NR4A1: variants seen among roughly 807,000 people sequenced by gnomAD.
NR4A1 encodes the protein nuclear receptor subfamily 4 group A member 1.
In NR4A1, 24 loss-of-function variants were observed where a neutral mutation model predicts 47.5. The observed-to-expected ratio is 0.50, with a 90% CI of 0.37 to 0.71. NR4A1 has a LOEUF of 0.71. Among genes scored for constraint, NR4A1 ranks in the 30% least tolerant of loss-of-function variants. NR4A1 has a pLI of 0.00. For synonymous variants in NR4A1, 353 were observed against 345.7 expected, an observed-to-expected ratio of 1.02 and a Z score of -0.24; for missense variants, 669 against 788.6, an observed-to-expected ratio of 0.85 and a Z score of 1.82.
Position 52,054,935 on chromosome 12 carries a change from G to C in NR4A1, c.607G>C (p.Ala203Pro). The C allele has an allele frequency of 6.2e-7, 1 of 1,614,142 alleles. No homozygotes were observed. Among genetic ancestry groups the C allele is most frequent in the East Asian group, 2.2e-5 (1 of 44,882 alleles). The change falls in exon 2 of 7, where the codon GCC (alanine) becomes CCC (proline). Residue 203 changes from alanine (A) to proline (P), a missense_variant. Coordinates refer to ENST00000394825, the MANE Select transcript of NR4A1 (RefSeq NM_173157.3). ...SPPTGPSPSL[A>P]QSPLKLFPSQ... Reference sequence around the variant, plus strand: ...TCCCACCGGCCCCAGCCCCAGCCTGGCCCAGAGCCCCCTGAAGTTGTTCCC... The same window carrying C: ...TCCCACCGGCCCCAGCCCCAGCCTGCCCCAGAGCCCCCTGAAGTTGTTCCC...
chr12:52,040,463 C>T lies in NR4A1; in HGVS notation c.-83-1347C>T, dbSNP rs951470146. On this transcript the variant is annotated intron_variant, in intron 1 of 7. Coordinates refer to the NR4A1 transcript ENST00000360284. ...GCTGGGGGAAACTACAGACCAGTTTCGGGGGGATGGGAGGATGACACTGTC... is the reference window on the plus strand; with the variant it reads ...GCTGGGGGAAACTACAGACCAGTTTTGGGGGGATGGGAGGATGACACTGTC... Among the ~76,000 whole-genome samples, 10 of 151,948 alleles carry T rather than the reference C, an allele frequency of 6.6e-5. No homozygotes were observed. In the South Asian group the frequency reaches 1.0e-3, roughly 16 times the overall value.
Position 52,056,559 on chromosome 12 carries a change from G to A in NR4A1, c.1072G>A (p.Asp358Asn). ...ACCTTCAAAACCCAAGCAGCCCCCA[G>A]ATGCCTCCCCTGCCAATCTCCTCAC... ...RLPSKPKQPP[D>N]ASPANLLTSL... is the part of the protein sequence containing the mutation. The change falls in exon 4 of 7, where the codon GAT becomes AAT. Residue 358 changes from aspartate (D) to asparagine (N), a missense_variant. Transcript: ENST00000394825. The A allele has an allele frequency of 6.2e-7, 1 of 1,613,760 alleles. No homozygotes were observed. Among genetic ancestry groups the A allele is most frequent in the African/African-American group, 1.3e-5 (1 of 75,022 alleles).
In NR4A1 at chr12:52,054,460, C is replaced by G. The variant is rs747733985; in HGVS notation, c.132C>G (p.Pro44=). Reference sequence around the variant, plus strand: ...ACCTGGCCAGCCCCGAGGCAGCCCCCGCTGCCCCCACTGCCCTGCCCAGCT... The same window carrying G: ...ACCTGGCCAGCCCCGAGGCAGCCCCGGCTGCCCCCACTGCCCTGCCCAGCT... ...TMDLASPEAA[P]AAPTALPSFS... The change falls in exon 2 of 7, where the codon CCC becomes CCG. Residue 44 remains proline (P), a synonymous_variant. Transcript: ENST00000394825. 5.6e-6 allele frequency: 9 copies of G among 1,613,578 alleles called. No individual in the cohort carries two copies. The Admixed American group carries it at 1.3e-4, about 24-fold the overall frequency.
In NR4A1 at chr12:52,059,171, C is replaced by T. The variant is rs1411070381; in HGVS notation, c.*227C>T. 1.7e-6 allele frequency: 1 copy of T among 580,632 alleles called. No homozygotes were observed. The highest frequency in any genetic ancestry group is 2.4e-5 in the South Asian group (1 of 42,040). The allele number at this position is 580,632 out of a possible 1,614,324, so 36.0% of individuals were successfully genotyped here. On this transcript the variant is annotated 3_prime_UTR_variant, in exon 7 of 7. Coordinates refer to ENST00000394825, the MANE Select transcript of NR4A1 (RefSeq NM_173157.3). ...CTTATCCCCCCCAGCCTGGCCCCGG[C>T]CTTTATGTTTTTTGTAAGATAAACC... is the stretch of plus-strand genomic sequence containing the variant.
chr12:52,036,762 C>G (rs1328021190), intron 1 of NR4A1, among the ~76,000 whole-genome samples: 1 of 152,250 alleles, frequency 6.6e-6, no homozygotes, highest in Non-Finnish European at 1.5e-5. Flanking sequence ...CCCGCAGACT[C>G]AAAGGCCAGG....
chr12:52,031,944 C>G (rs561103648), intron 1 of NR4A1, among the ~76,000 whole-genome samples: 3 of 151,988 alleles, frequency 2.0e-5, no homozygotes, highest in Admixed American at 1.3e-4. Flanking sequence ...TTACAGGTGC[C>G]CGCCACCACG....
At chr12:52,043,726 A>G (rs887615346) in intron 2 of NR4A1, 2 of 1,279,124 alleles carry the variant, frequency 1.6e-6, no homozygotes, top group Non-Finnish European at 2.0e-6. Context: ...GCAGCACCAC[A>G]TCCAGAGCTC....
At position 52,055,227 on chromosome 12, in the gene NR4A1, G is replaced by C. The variant is rs1379341446; in HGVS notation, c.876+23G>C. On this transcript the variant is annotated intron_variant, in intron 2 of 6. Coordinates refer to ENST00000394825, the MANE Select transcript of NR4A1 (RefSeq NM_173157.3). ...AAGGTACCGCGCAGCCCCAGGTGGG[G>C]CCTTTTGTTGGAAATGGAGAGAGGC... 4.4e-6 allele frequency: 7 copies of C among 1,607,800 alleles called. No homozygotes were observed. In the South Asian group the frequency reaches 7.7e-5, roughly 18 times the overall value.
At position 52,051,500 on chromosome 12, in the gene NR4A1, C is replaced by T; in HGVS notation, c.-71C>T. 1.0e-6 allele frequency: 1 copy of T among 985,710 alleles called. No individual in the cohort carries two copies. Among genetic ancestry groups the T allele is most frequent in the Non-Finnish European group, 1.2e-6 (1 of 830,134 alleles). 61.1% of individuals were successfully genotyped at this position (985,710 alleles called of 1,614,324 possible). On this transcript the variant is annotated 5_prime_UTR_variant, in exon 1 of 7. Coordinates refer to ENST00000394825, the MANE Select transcript of NR4A1 (RefSeq NM_173157.3). ...AGTGCACAGAAGAACTTCGGGAGCGCACGCGGGACCAGGGACCAGGCTGAG... is the reference window on the plus strand; with the variant it reads ...AGTGCACAGAAGAACTTCGGGAGCGTACGCGGGACCAGGGACCAGGCTGAG...
intron 1 of NR4A1, chr12:52,037,209 GA>G: frequency 4.3e-6 from 1 of 232,800 alleles, no homozygotes. Context: ...CGCGCGGCCG[GA>G]ACTGCGGGCG....
At chr12:52,037,562 G>T (rs1435747007) in intron 1 of NR4A1, 41 of 978,972 alleles carry the variant, frequency 4.2e-5, no homozygotes, top group Non-Finnish European at 4.8e-6. Context: ...GGAAACTGGG[G>T]AGTCGGGGGG....
chr12:52,051,302 C>T, upstream of NR4A1: 1 of 650,658 alleles, frequency 1.5e-6, no homozygotes, highest in Non-Finnish European at 1.9e-6. Context: ...GCACCTCCCC[C>T]TGGCCGCCTC....
intron 2 of NR4A1, chr12:52,044,035 C>A: frequency 1.4e-6 from 1 of 725,298 alleles, no homozygotes; most frequent in Non-Finnish European, 2.0e-6. Flanking sequence ...TGGCCGACAA[C>A]TGGAGGCATG....
chr12:52,052,582 G>T, intron 1 of NR4A1: 1 of 985,652 alleles, frequency 1.0e-6, no homozygotes, highest in Non-Finnish European at 1.2e-6. Context: ...TCTCCCCACT[G>T]CCTCCTTCAA....
intron 1 of NR4A1, among the ~76,000 whole-genome samples, chr12:52,024,713 A>G (rs764239202): frequency 6.6e-6 from 1 of 152,188 alleles, no homozygotes; most frequent in Non-Finnish European, 1.5e-5. Context: ...AAGAAGAAGA[A>G]AAGAAAGAAA....
chr12:52,052,217 G>C (rs1320938194), intron 1 of NR4A1, among the ~76,000 whole-genome samples: 5 of 151,734 alleles, frequency 3.3e-5, no homozygotes, highest in African/African-American at 1.2e-4. Flanking sequence ...TGGGGTCGGG[G>C]CAGGGTCTCT....
At chr12:52,031,372 C>G (rs1364401971) in intron 1 of NR4A1, among the ~76,000 whole-genome samples, 1 of 151,668 alleles carries the variant, frequency 6.6e-6, no homozygotes, top group Non-Finnish European at 1.5e-5. Context: ...CACAGTGGCT[C>G]ACGCCTGTAA....
intron 1 of NR4A1, among the ~76,000 whole-genome samples, chr12:52,040,218 G>T (rs753231200): frequency 3.2e-4 from 48 of 152,156 alleles, no homozygotes; most frequent in Non-Finnish European, 4.3e-4. Flanking sequence ...TGTGACTATT[G>T]AGGGGGGCAT....
chr12:52,058,946 C>G lies in NR4A1; in HGVS notation c.*2C>G. ...TTCATGGACACGCTGCCCTTCTGAC[C>G]CCTGCCTGGGAACACGTGTGCACAT... is the stretch of plus-strand genomic sequence containing the variant. On this transcript the variant is annotated 3_prime_UTR_variant, in exon 7 of 7. Transcript: ENST00000394825. 6.2e-7 allele frequency: 1 copy of G among 1,608,196 alleles called. No homozygotes were observed. Among genetic ancestry groups the G allele is most frequent in the Non-Finnish European group, 8.5e-7 (1 of 1,175,400 alleles).
Sources: gnomAD v4.1 joint callset for allele counts (sites outside exome capture counted in the v4.1 genomes callset) on GRCh38, gnomAD v4.1.1 for gene constraint, MANE v1.5 for transcripts, NCBI Gene and HGNC (gene_info 2026-07-23, HGNC 2026-07-21) for gene names.